Variants in EDARADD observed in about 807,000 individuals in gnomAD.
EDARADD encodes the protein EDAR associated via death domain.
EDARADD carries 20 observed loss-of-function variants against 25.6 expected under a neutral mutation model. The ratio of observed to expected loss-of-function variants is 0.78; its 90% CI spans 0.55 to 1.14. The LOEUF is 1.14. EDARADD is among the 50% of genes most tolerant of loss of function. EDARADD has a pLI of 0.00. For missense variants in EDARADD, 225 were observed against 270.1 expected, an observed-to-expected ratio of 0.83 and a Z score of 1.17; for synonymous variants, 86 against 94.4, an observed-to-expected ratio of 0.91 and a Z score of 0.52.
intron 4 of EDARADD, among the ~76,000 whole-genome samples, chr1:236,453,624 G>A (rs1658772734): frequency 1.3e-5 from 2 of 152,096 alleles, no homozygotes; most frequent in Non-Finnish European, 2.9e-5. Flanking sequence ...GTTTAGATAT[G>A]TATTTACCAT....
At chr1:236,462,837 G>C (rs1659074195) in intron 4 of EDARADD, among the ~76,000 whole-genome samples, 1 of 152,254 alleles carries the variant, frequency 6.6e-6, no homozygotes, top group Non-Finnish European at 1.5e-5. Context: ...GTTTTCTTTA[G>C]TTTACTTGAA....
chr1:236,451,019 A>T (rs1658697549), intron 4 of EDARADD, among the ~76,000 whole-genome samples: 2 of 152,092 alleles, frequency 1.3e-5, no homozygotes, highest in Non-Finnish European at 2.9e-5. Flanking sequence ...GCCACTGCAC[A>T]ATTACCTCAT....
intron 5 of EDARADD, among the ~76,000 whole-genome samples, chr1:236,473,322 G>A (rs576972922): frequency 2.0e-5 from 3 of 152,022 alleles, no homozygotes; most frequent in Admixed American, 6.5e-5. Flanking sequence ...GACCCGGCCC[G>A]TGGAGATCTA....
intron 5 of EDARADD, among the ~76,000 whole-genome samples, chr1:236,475,273 A>T (rs1431091949): frequency 1.3e-5 from 2 of 152,206 alleles, no homozygotes; most frequent in Admixed American, 6.5e-5. Context: ...TTAACCTTTC[A>T]TGTATAATAT....
intron 5 of EDARADD, among the ~76,000 whole-genome samples, chr1:236,477,719 GAGATAGAAAA>G (rs1487756206): frequency 1.3e-5 from 2 of 152,054 alleles, no homozygotes; most frequent in African/African-American, 4.8e-5. Flanking sequence ...AAAAGGTATG[GAGATAGAAAA>G]AGATAAGGCC....
chr1:236,447,467 G>A (rs1658594210), intron 4 of EDARADD, among the ~76,000 whole-genome samples: 1 of 152,040 alleles, frequency 6.6e-6, no homozygotes, highest in Admixed American at 6.6e-5. Context: ...TATTGGCCAG[G>A]CTGGTCACAC....
chr1:236,385,089 C>CT (rs34509027), intron 3 of EDARADD, among the ~76,000 whole-genome samples: 91,543 of 122,006 alleles, frequency 0.75, 35,661 homozygotes, highest in Middle Eastern at 0.87. Flanking sequence ...CCTTTTGATT[C>CT]TTTTTTTTTT....
Position 236,409,237 on chromosome 1 carries a change from T to C in EDARADD, c.83T>C (p.Val28Ala). 1.2e-6 allele frequency: 2 copies of C among 1,613,354 alleles called. No individual in the cohort carries two copies. Among genetic ancestry groups the C allele is most frequent in the Non-Finnish European group, 8.5e-7 (1 of 1,179,500 alleles). The stretch of plus-strand genomic sequence containing the variant: ...ACAGATCATATGGTAAAGGAACCAG[T>C]GGAAGACACAGACCCTAGCACTTTA... Reference protein sequence around the residue: ...HQEDHMVKEPVEDTDPSTLSF... With the variant: ...HQEDHMVKEPAEDTDPSTLSF... The change falls in exon 2 of 6, where the codon GTG (valine) becomes GCG (alanine). Residue 28 changes from valine (V) to alanine (A), a missense_variant. Transcript: ENST00000334232.
At chr1:236,452,391 A>T (rs1299223327) in intron 4 of EDARADD, among the ~76,000 whole-genome samples, 1 of 151,924 alleles carries the variant, frequency 6.6e-6, no homozygotes, top group African/African-American at 2.4e-5. Context: ...CTTAGGAGGG[A>T]GCTGGTGGGA....
chr1:236,348,298 G>A (rs1666874837), intron 1 of EDARADD: 2 of 152,316 alleles, frequency 1.3e-5, no homozygotes, highest in African/African-American at 4.8e-5. Flanking sequence ...GGGCCCTACA[G>A]ACTGACTGGG....
At chr1:236,432,922 A>C (rs1382645168) in intron 4 of EDARADD, among the ~76,000 whole-genome samples, 2 of 148,106 alleles carry the variant, frequency 1.4e-5, no homozygotes, top group Non-Finnish European at 3.0e-5. Flanking sequence ...ACAGAGCAAG[A>C]CTCTCAAAAA....
intron 5 of EDARADD, among the ~76,000 whole-genome samples, chr1:236,478,239 T>C (rs1263228086): frequency 6.6e-6 from 1 of 152,048 alleles, no homozygotes; most frequent in East Asian, 1.9e-4. Context: ...CTATTAGTGG[T>C]GAGATGATTA....
intron 4 of EDARADD, among the ~76,000 whole-genome samples, chr1:236,467,220 A>G (rs1223295709): frequency 3.2e-5 from 4 of 126,894 alleles, no homozygotes; most frequent in Non-Finnish European, 4.8e-5. Context: ...GGAATCTGAG[A>G]CCCGCATTGG....
chr1:236,429,175 G>A (rs1310984509), intron 4 of EDARADD, among the ~76,000 whole-genome samples: 2 of 132,908 alleles, frequency 1.5e-5, no homozygotes, highest in South Asian at 2.5e-4. Context: ...GCATCAGAGG[G>A]AGACTGTGCA....
chr1:236,349,700 AG>A (rs1338280855), intron 2 of EDARADD, among the ~76,000 whole-genome samples: 2 of 106,776 alleles, frequency 1.9e-5, no homozygotes, highest in Middle Eastern at 4.1e-3. Flanking sequence ...CTCCGATAGC[AG>A]ACTTCAGAGA....
chr1:236,452,901 A>C (rs1176872405), intron 4 of EDARADD, among the ~76,000 whole-genome samples: 1 of 152,144 alleles, frequency 6.6e-6, no homozygotes, highest in African/African-American at 2.4e-5. Context: ...CCGTATAGCT[A>C]CGTAAGGGTT....
intron 4 of EDARADD, among the ~76,000 whole-genome samples, chr1:236,447,253 TTTC>T (rs1200134509): frequency 6.8e-6 from 1 of 147,378 alleles, no homozygotes; most frequent in African/African-American, 2.6e-5. Context: ...CTTTCTTTCC[TTTC>T]TTTCTTTCTT....
chr1:236,450,023 C>T (rs1252096901), intron 4 of EDARADD, among the ~76,000 whole-genome samples: 1 of 151,836 alleles, frequency 6.6e-6, no homozygotes, highest in Non-Finnish European at 1.5e-5. Context: ...ATCCCTTGAA[C>T]CCGGGAGGCG....
intron 3 of EDARADD, among the ~76,000 whole-genome samples, chr1:236,358,673 G>A (rs1334175305): frequency 2.0e-5 from 3 of 152,222 alleles, no homozygotes; most frequent in Non-Finnish European, 4.4e-5. Context: ...CCATGTAGTT[G>A]TGTGGTTTTG....
Sources: gnomAD v4.1 joint callset for allele counts (sites outside exome capture counted in the v4.1 genomes callset) on GRCh38, gnomAD v4.1.1 for gene constraint, MANE v1.5 for transcripts, NCBI Gene and HGNC (gene_info 2026-07-23, HGNC 2026-07-21) for gene names.